Variants in ABCD3 observed in about 807,000 individuals in gnomAD.
The protein encoded by ABCD3 is ATP binding cassette subfamily D member 3, also known as ATP-binding cassette sub-family D member 3.
Under a neutral mutation model 105.5 loss-of-function variants are expected in ABCD3, and 41 were observed. The observed-to-expected ratio is 0.39, with a 90% confidence interval of 0.30 to 0.50. The LOEUF is 0.50. ABCD3 is among the 20% of genes least tolerant of loss of function. The pLI, the probability that ABCD3 is intolerant of heterozygous loss-of-function variation, is 0.84. For synonymous variants in ABCD3, 258 were observed against 269.0 expected, an observed-to-expected ratio of 0.96 and a Z score of 0.40; for missense variants, 622 against 806.3, an observed-to-expected ratio of 0.77 and a Z score of 2.77.
chr1:94,505,026 G>GT (rs1381371043), intron 20 of ABCD3, among the ~76,000 whole-genome samples: 48 of 152,244 alleles, frequency 3.2e-4, no homozygotes, highest in African/African-American at 1.1e-3. Flanking sequence ...TGGAGCAACT[G>GT]TTTGATAGTT....
chr1:94,470,398 A>G (rs1648391009), intron 4 of ABCD3, among the ~76,000 whole-genome samples: 2 of 152,180 alleles, frequency 1.3e-5, no homozygotes, highest in South Asian at 2.1e-4. Context: ...TGAAGCATCT[A>G]GTGGATTCTG....
chr1:94,447,240 A>G (rs925945802), intron 1 of ABCD3, among the ~76,000 whole-genome samples: 1 of 152,190 alleles, frequency 6.6e-6, no homozygotes, highest in Admixed American at 6.5e-5. Context: ...TAGCTCCAAC[A>G]TTTTCTCCTT....
chr1:94,408,581 A>G, the ABCD3 span, among the ~76,000 whole-genome samples: 1 of 152,008 alleles, frequency 6.6e-6, no homozygotes, highest in Non-Finnish European at 1.5e-5. Flanking sequence ...GTGACAGAGC[A>G]AGACTCCATC....
At chr1:94,443,252 TTGTA>T (rs1223983944) in intron 1 of ABCD3, among the ~76,000 whole-genome samples, 1 of 152,170 alleles carries the variant, frequency 6.6e-6, no homozygotes, top group African/African-American at 2.4e-5. Context: ...TTTGGCCCCT[TTGTA>T]TGTCTTCTTT....
At chr1:94,476,915 A>T (rs1278109412) in intron 7 of ABCD3, among the ~76,000 whole-genome samples, 1 of 151,230 alleles carries the variant, frequency 6.6e-6, no homozygotes, top group African/African-American at 2.4e-5. Context: ...CTGTGTGTGT[A>T]TGTGTGTGTG....
chr1:94,471,408 G>A (rs1175364278), intron 4 of ABCD3, among the ~76,000 whole-genome samples: 1 of 150,704 alleles, frequency 6.6e-6, no homozygotes, highest in African/African-American at 2.4e-5. Flanking sequence ...ATATAAAAAA[G>A]TTAGCTGGCT....
intron 8 of ABCD3, chr1:94,478,631 G>T: frequency 9.4e-7 from 1 of 1,068,476 alleles, no homozygotes; most frequent in Non-Finnish European, 1.4e-6. Context: ...TGGGAGGATC[G>T]CTTGAATCCA....
At chr1:94,505,129 A>G (rs1650288464) in intron 20 of ABCD3, among the ~76,000 whole-genome samples, 1 of 152,174 alleles carries the variant, frequency 6.6e-6, no homozygotes, top group Admixed American at 6.6e-5. Flanking sequence ...TTAACGTTTG[A>G]GAGTCCTGTG....
intron 10 of ABCD3, among the ~76,000 whole-genome samples, chr1:94,485,673 C>T (rs1366854738): frequency 6.6e-6 from 1 of 152,156 alleles, no homozygotes; most frequent in Non-Finnish European, 1.5e-5. Context: ...TAATCATCAT[C>T]TTTCCTTAAA....
At chr1:94,475,279 T>C in intron 6 of ABCD3, 39 bp downstream of exon 6, 1 of 1,287,276 alleles carries the variant, frequency 7.8e-7, no homozygotes. Context: ...AATATTTAAA[T>C]AGAAGAGTAT....
At chr1:94,385,910 GA>G in the ABCD3 span, among the ~76,000 whole-genome samples, 2 of 152,032 alleles carry the variant, frequency 1.3e-5, no homozygotes, top group African/African-American at 4.8e-5. Context: ...AAATGCTCAA[GA>G]AAAAAAGACT....
In ABCD3 at chr1:94,475,161, T is replaced by C. The variant is rs1271630156; in HGVS notation, c.424T>C (p.Phe142Leu). 1 of 1,601,044 alleles carries C rather than the reference T, an allele frequency of 6.2e-7. No homozygotes were observed. Among genetic ancestry groups the C allele is most frequent in the Non-Finnish European group, 8.5e-7 (1 of 1,172,156 alleles). Reference protein sequence around the residue: ...AMPLISLVNNFLKYGLNELKL... With the variant: ...AMPLISLVNNLLKYGLNELKL... ...GTTTTAGATCTCTCTGGTTAATAAC[T>C]TCTTGAAGTATGGGTTAAATGAGCT... Residue 142 changes from phenylalanine to leucine, a missense_variant, in exon 6 of 23, where the codon TTC (phenylalanine) becomes CTC (leucine). Physicochemically the swap from Phe to Leu is conservative, Grantham distance 22. Coordinates refer to ENST00000370214, the MANE Select transcript of ABCD3 (RefSeq NM_002858.4).
chr1:94,415,055 C>T (rs1472449279), upstream of ABCD3, among the ~76,000 whole-genome samples: 1 of 152,174 alleles, frequency 6.6e-6, no homozygotes, highest in African/African-American at 2.4e-5. Flanking sequence ...GCCTCAGTTC[C>T]TCTCCAGGGC....
At chr1:94,489,113 C>T (rs1441905735) in intron 13 of ABCD3, among the ~76,000 whole-genome samples, 1 of 152,058 alleles carries the variant, frequency 6.6e-6, no homozygotes, top group Non-Finnish European at 1.5e-5. Context: ...ATGCAGAATA[C>T]TTTCTCTTTG....
chr1:94,516,997 A>G lies in ABCD3; in HGVS notation c.1903-55A>G, dbSNP rs557636901. On this transcript the variant is annotated intron_variant, in intron 22 of 22. Coordinates refer to ENST00000370214, the MANE Select transcript of ABCD3 (RefSeq NM_002858.4). ...GTCTGTATTTTACTTTTCATAAAAG[A>G]CAGTACTATATTCACTCTTAGTTAC... 9 of 1,174,570 alleles carry G rather than the reference A, an allele frequency of 7.7e-6. No individual in the cohort carries two copies. The African/African-American group carries it at 1.2e-4, about 16-fold the overall frequency. 72.8% of individuals were successfully genotyped at this position (1,174,570 alleles called of 1,614,324 possible).
chr1:94,477,105 A>T (rs1648782582), intron 7 of ABCD3, among the ~76,000 whole-genome samples: 1 of 152,024 alleles, frequency 6.6e-6, no homozygotes, highest in Non-Finnish European at 1.5e-5. Context: ...ACCAGTGTGT[A>T]AGTTAGATGT....
At chr1:94,417,029 C>T (rs530901480), upstream of ABCD3, among the ~76,000 whole-genome samples, 1 of 152,318 alleles carries the variant, frequency 6.6e-6, no homozygotes, top group Non-Finnish European at 1.5e-5. Context: ...CCATTCTGAA[C>T]GCTCCCATGT....
intron 16 of ABCD3, among the ~76,000 whole-genome samples, chr1:94,492,626 T>C (rs1649587893): frequency 1.3e-5 from 2 of 152,206 alleles, no homozygotes; most frequent in African/African-American, 4.8e-5. Context: ...GCAAAGTAGG[T>C]AGCCAGGCTT....
At chr1:94,500,340 G>A (rs1345799352) in intron 20 of ABCD3, among the ~76,000 whole-genome samples, 7 of 152,036 alleles carry the variant, frequency 4.6e-5, no homozygotes, top group African/African-American at 1.7e-4. Context: ...TAGCTACTGG[G>A]AGGCGGAAAG....
Sources: allele counts gnomAD v4.1 joint callset (sites outside exome capture counted in the v4.1 genomes callset), GRCh38; gene constraint gnomAD v4.1.1; transcripts MANE v1.5; gene names NCBI Gene and HGNC (gene_info 2026-07-23, HGNC 2026-07-21).